The following BCAR3 variants were observed in gnomAD, a reference collection of about 807,000 sequenced individuals.
The protein encoded by BCAR3 is BCAR3 adaptor protein, NSP family member, also known as breast cancer anti-estrogen resistance protein 3.
Under a neutral mutation model 80.1 loss-of-function variants are expected in BCAR3, and 37 were observed. The observed-to-expected ratio is 0.46, with a 90% CI of 0.36 to 0.61. The LOEUF (loss-of-function observed/expected upper bound fraction) is 0.61. BCAR3 is among the 20% of genes least tolerant of loss of function. The pLI, the probability that BCAR3 is intolerant of heterozygous loss-of-function variation, is 0.00. For synonymous variants in BCAR3, 389 were observed against 418.9 expected (o/e 0.93, Z 0.87); for missense variants, 978 against 1,068.2 (o/e 0.92, Z 1.18).
intron 2 of BCAR3, among the ~76,000 whole-genome samples, chr1:93,661,073 CTT>C (rs985623478): frequency 4.0e-5 from 6 of 151,326 alleles, no homozygotes; most frequent in African/African-American, 1.5e-4. Context: ...GAGTTTTGCT[CTT>C]GTTGCCCAGG....
At position 93,570,726 on chromosome 1, in the gene BCAR3, A is replaced by G. The variant is rs2101806304; in HGVS notation, c.1974+944T>C. ...GCAAATGTCTCATTTCCCAGTGATT[A>G]TCCTAGACTGCCCACACCTGGTGAC... On this transcript the variant is annotated intron_variant, in intron 9 of 11. Transcript: ENST00000260502. 2.0e-5 allele frequency among the ~76,000 whole-genome samples: 3 copies of G among 152,364 alleles called. 1 individual carries two copies. In the Middle Eastern group the frequency reaches 0.01, roughly 518 times the overall value.
intron 2 of BCAR3, among the ~76,000 whole-genome samples, chr1:93,710,980 C>T (rs1479223145): frequency 1.3e-5 from 2 of 152,210 alleles, no homozygotes; most frequent in African/African-American, 2.4e-5. Flanking sequence ...CTCAGTGCCT[C>T]TCAGGCTATG....
chr1:93,845,458 A>G (rs1655120271), intron 2 of BCAR3: 1 of 127,248 alleles, frequency 7.9e-6, no homozygotes, highest in Admixed American at 8.5e-5. Context: ...GGGGCATAAC[A>G]ATTTTATATA....
chr1:93,580,881 C>T (rs186977056), intron 7 of BCAR3, among the ~76,000 whole-genome samples: 1 of 152,124 alleles, frequency 6.6e-6, no homozygotes, highest in Admixed American at 6.5e-5. Flanking sequence ...TGGTGATGGG[C>T]CGGGTGCGGT....
intron 2 of BCAR3, among the ~76,000 whole-genome samples, chr1:93,843,433 G>A (rs1655034700): frequency 6.6e-6 from 1 of 152,166 alleles, no homozygotes; most frequent in South Asian, 2.1e-4. Flanking sequence ...ACAAGTCCTT[G>A]AGAGGATTAA....
At chr1:93,779,487 G>A (rs1044591201) in intron 2 of BCAR3, among the ~76,000 whole-genome samples, 1 of 152,150 alleles carries the variant, frequency 6.6e-6, no homozygotes, top group Non-Finnish European at 1.5e-5. Flanking sequence ...AATAAAGCAT[G>A]GCAAGAGGAT....
chr1:93,619,204 C>T (rs1244543994), intron 3 of BCAR3, among the ~76,000 whole-genome samples: 1 of 151,764 alleles, frequency 6.6e-6, no homozygotes, highest in African/African-American at 2.4e-5. Flanking sequence ...CCTCGGCCTC[C>T]CAAAGTGCTG....
chr1:93,780,687 T>G (rs1358255197), intron 2 of BCAR3, among the ~76,000 whole-genome samples: 3 of 152,192 alleles, frequency 2.0e-5, no homozygotes, highest in Middle Eastern at 3.2e-3. Context: ...TCATTTGGTT[T>G]AAAATCTTTT....
chr1:93,830,391 C>T (rs1432675961), intron 2 of BCAR3, among the ~76,000 whole-genome samples: 1 of 152,170 alleles, frequency 6.6e-6, no homozygotes, highest in Admixed American at 6.5e-5. Flanking sequence ...CCTGAAGTAA[C>T]TGAAGAATCA....
chr1:93,706,637 T>C (rs1464214147), intron 2 of BCAR3, among the ~76,000 whole-genome samples: 4 of 152,188 alleles, frequency 2.6e-5, no homozygotes, highest in African/African-American at 7.2e-5. Flanking sequence ...AAAATGGGGA[T>C]GTAAATAGTA....
intron 3 of BCAR3, among the ~76,000 whole-genome samples, chr1:93,609,629 A>G (rs939053682): frequency 6.6e-6 from 1 of 152,190 alleles, no homozygotes; most frequent in Non-Finnish European, 1.5e-5. Context: ...GTTTGTTTCC[A>G]GTGCCAGCCC....
chr1:93,676,666 C>T (rs950626707), intron 1 of BCAR3, among the ~76,000 whole-genome samples: 1 of 152,208 alleles, frequency 6.6e-6, no homozygotes, highest in African/African-American at 2.4e-5. Context: ...TCCCTAGCCC[C>T]ACCGCCTGAA....
chr1:93,803,069 C>G (rs974405394), intron 2 of BCAR3, among the ~76,000 whole-genome samples: 5 of 152,166 alleles, frequency 3.3e-5, no homozygotes. Context: ...GGTGACCAAC[C>G]TTTATGAGCA....
intron 2 of BCAR3, among the ~76,000 whole-genome samples, chr1:93,759,974 G>A (rs1015230138): frequency 2.0e-5 from 3 of 152,206 alleles, no homozygotes; most frequent in Non-Finnish European, 4.4e-5. Context: ...AAGGTCCAGG[G>A]ATAAACTGGA....
chr1:93,614,009 C>T, intron 3 of BCAR3: 4 of 1,529,566 alleles, frequency 2.6e-6, no homozygotes, highest in Non-Finnish European at 3.5e-6. Context: ...AAAGCCCTAG[C>T]CCACCACAGC....
At chr1:93,745,534 C>T (rs1250098421) in intron 2 of BCAR3, among the ~76,000 whole-genome samples, 1 of 152,146 alleles carries the variant, frequency 6.6e-6, no homozygotes, top group Non-Finnish European at 1.5e-5. Context: ...TTTTCTTCTC[C>T]TCAATGAATC....
chr1:93,627,781 T>C (rs181796704), intron 3 of BCAR3, among the ~76,000 whole-genome samples: 1 of 152,302 alleles, frequency 6.6e-6, no homozygotes, highest in East Asian at 1.9e-4. Context: ...ACAAAAACTT[T>C]TTAGGGTCCT....
intron 3 of BCAR3, among the ~76,000 whole-genome samples, chr1:93,705,810 G>A (rs1649810506): frequency 1.3e-5 from 2 of 151,608 alleles, no homozygotes; most frequent in African/African-American, 2.4e-5. Context: ...AACAATTATG[G>A]TCAGCTATGA....
chr1:93,662,556 T>C (rs1300396040), intron 2 of BCAR3, among the ~76,000 whole-genome samples: 2 of 152,198 alleles, frequency 1.3e-5, no homozygotes, highest in East Asian at 3.8e-4. Context: ...CCAATATTAT[T>C]GTCTAGAAGA....
Sources: gnomAD v4.1 joint callset for allele counts (sites outside exome capture counted in the v4.1 genomes callset) on GRCh38, gnomAD v4.1.1 for gene constraint, MANE v1.5 for transcripts, NCBI Gene and HGNC (gene_info 2026-07-23, HGNC 2026-07-21) for gene names.